Variants in KIAA0825 observed in about 807,000 individuals in gnomAD.
The protein encoded by KIAA0825 is uncharacterized protein KIAA0825.
Under a neutral mutation model 147.6 loss-of-function variants are expected in KIAA0825, and 119 were observed. The observed-to-expected ratio is 0.81, with a 90% CI of 0.69 to 0.94. The LOEUF is 0.94. KIAA0825 is among the 40% of genes least tolerant of loss of function. The pLI is 0.00. For missense variants in KIAA0825, 1,381 were observed against 1,472.7 expected (o/e 0.94, Z 1.02); for synonymous variants, 470 against 518.1 (o/e 0.91, Z 1.26).
intron 20 of KIAA0825, among the ~76,000 whole-genome samples, chr5:94,329,332 T>A (rs1285523966): frequency 6.6e-6 from 1 of 151,976 alleles, no homozygotes; most frequent in East Asian, 1.9e-4. Context: ...TCCAAAGACA[T>A]AATTTAAGAA....
At chr5:94,250,309 GA>G (rs1482290420) in intron 20 of KIAA0825, among the ~76,000 whole-genome samples, 1 of 152,076 alleles carries the variant, frequency 6.6e-6, no homozygotes, top group Admixed American at 6.6e-5. Flanking sequence ...AATGTTGATT[GA>G]AAATAACTTG....
intron 20 of KIAA0825, among the ~76,000 whole-genome samples, chr5:94,154,598 AT>A (rs1366931167): frequency 1.1e-4 from 16 of 152,158 alleles, no homozygotes; most frequent in African/African-American, 3.9e-4. Flanking sequence ...AGGTCAGTGT[AT>A]TTCTTGAAAT....
intron 20 of KIAA0825, among the ~76,000 whole-genome samples, chr5:94,347,164 G>A (rs1783094927): frequency 6.6e-6 from 1 of 152,140 alleles, no homozygotes; most frequent in Admixed American, 6.5e-5. Context: ...ACCCACCTAA[G>A]AAGAGTCTCA....
At chr5:94,460,205 GAAAT>G (rs1759639730) in intron 12 of KIAA0825, among the ~76,000 whole-genome samples, 2 of 152,096 alleles carry the variant, frequency 1.3e-5, no homozygotes, top group Admixed American at 1.3e-4. Context: ...CTTTATGAAA[GAAAT>G]ATAAGTGATA....
chr5:94,401,501 C>G (rs1001205782), intron 16 of KIAA0825, among the ~76,000 whole-genome samples: 2 of 152,048 alleles, frequency 1.3e-5, no homozygotes, highest in Non-Finnish European at 2.9e-5. Flanking sequence ...TAATTCATTA[C>G]TGTGTGCTGA....
intron 2 of KIAA0825, among the ~76,000 whole-genome samples, chr5:94,562,405 T>G (rs949387126): frequency 6.6e-6 from 1 of 152,240 alleles, no homozygotes; most frequent in Non-Finnish European, 1.5e-5. Context: ...CAACAGTGAA[T>G]CTATCATATC....
chr5:94,536,482 GA>G (rs765052858), intron 3 of KIAA0825, among the ~76,000 whole-genome samples: 3 of 152,162 alleles, frequency 2.0e-5, no homozygotes, highest in Non-Finnish European at 4.4e-5. Context: ...GTATTAATGA[GA>G]AACCATTGAG....
At chr5:94,565,291 A>G (rs1408830897) in intron 2 of KIAA0825, among the ~76,000 whole-genome samples, 6 of 147,446 alleles carry the variant, frequency 4.1e-5, no homozygotes, top group South Asian at 2.1e-4. Context: ...TGCCAGAATG[A>G]TCTTTCTAAA....
At chr5:94,567,572 G>A (rs1196577567) in intron 2 of KIAA0825, 1 of 152,306 alleles carries the variant, frequency 6.6e-6, no homozygotes, top group Non-Finnish European at 1.5e-5. Flanking sequence ...AGAGGGCGTA[G>A]GAATCATGTC....
intron 14 of KIAA0825, among the ~76,000 whole-genome samples, chr5:94,419,078 G>A (rs1299607311): frequency 6.6e-6 from 1 of 151,970 alleles, no homozygotes; most frequent in African/African-American, 2.4e-5. Context: ...GTCTTGCTCT[G>A]TTGCTCAGTC....
At chr5:94,557,583 G>A (rs568486791) in intron 2 of KIAA0825, among the ~76,000 whole-genome samples, 5 of 152,192 alleles carry the variant, frequency 3.3e-5, no homozygotes, top group South Asian at 2.1e-4. Flanking sequence ...CTGGGAAGGC[G>A]ACCACATCCA....
chr5:94,579,521 G>A (rs1781688218), intron 2 of KIAA0825, among the ~76,000 whole-genome samples: 1 of 152,156 alleles, frequency 6.6e-6, no homozygotes, highest in African/African-American at 2.4e-5. Context: ...TTCTTTTCCA[G>A]GCAGTCACAA....
Position 94,152,740 on chromosome 5 carries a change from A to T in KIAA0825, c.*1267T>A, listed in dbSNP as rs1159342983. 7.2e-6 allele frequency among the ~76,000 whole-genome samples: 1 copy of T among 139,098 alleles called. No homozygotes were observed. Among genetic ancestry groups the T allele is most frequent in the Non-Finnish European group, 1.5e-5 (1 of 65,072 alleles). 91.3% of individuals were successfully genotyped at this position (139,098 alleles called of 152,430 possible). ...TGAGGTGGGAGTATTGCTTGAGCCT[A>T]TGAGTTTGAGGTTACATTGAACTAT... On this transcript the variant is annotated 3_prime_UTR_variant, in exon 21 of 21. Transcript: ENST00000682413.
chr5:94,600,161 T>C (rs1422798462), intron 1 of KIAA0825, among the ~76,000 whole-genome samples: 4 of 152,166 alleles, frequency 2.6e-5, no homozygotes, highest in Admixed American at 6.5e-5. Context: ...ATCTGTAGAT[T>C]AATTTGGGGA....
chr5:94,320,716 G>A (rs1331180217), intron 20 of KIAA0825, among the ~76,000 whole-genome samples: 1 of 152,006 alleles, frequency 6.6e-6, no homozygotes, highest in African/African-American at 2.4e-5. Flanking sequence ...GTGTATGTAT[G>A]TTAATTGCTC....
In KIAA0825 at chr5:94,520,840, G is replaced by C; in HGVS notation, c.378C>G (p.Ser126Arg). The C allele has an allele frequency of 6.2e-7, 1 of 1,612,868 alleles. No homozygotes were observed. The highest frequency in any genetic ancestry group is 8.5e-7 in the Non-Finnish European group (1 of 1,179,264). Reference sequence around the variant, plus strand: ...CACTTAGGGTTGATGGGAATGAAACGCTGCTGTGGCAGGAGAGGTCCCAAA... The same window carrying C: ...CACTTAGGGTTGATGGGAATGAAACCCTGCTGTGGCAGGAGAGGTCCCAAA... ...DLLWDLSCHSSVSFPSTLSGT... is the reference protein window; with the variant it reads ...DLLWDLSCHSRVSFPSTLSGT... Residue 126 changes from serine (S) to arginine (R), a missense_variant, in exon 5 of 21, where the codon AGC becomes AGG. Coordinates refer to ENST00000682413, the MANE Select transcript of KIAA0825 (RefSeq NM_001145678.3).
intron 2 of KIAA0825, among the ~76,000 whole-genome samples, chr5:94,554,715 ACTATATATATATATAT>A (rs1302414682): frequency 2.7e-5 from 2 of 75,352 alleles, no homozygotes; most frequent in Non-Finnish European, 5.0e-5. Flanking sequence ...TGTTCTGTGT[ACTATATATATATATAT>A]ATATATATAT....
chr5:94,160,155 G>A (rs1264827091), intron 20 of KIAA0825, among the ~76,000 whole-genome samples: 1 of 152,070 alleles, frequency 6.6e-6, no homozygotes, highest in Non-Finnish European at 1.5e-5. Context: ...GTACATGTGA[G>A]CTTTTCTCAG....
chr5:94,319,618 A>G (rs1028476423), intron 20 of KIAA0825, among the ~76,000 whole-genome samples: 1 of 151,846 alleles, frequency 6.6e-6, no homozygotes, highest in Non-Finnish European at 1.5e-5. Context: ...TGTTTCTTTC[A>G]TATCTCACAA....
Sources: gnomAD v4.1 joint callset for allele counts (sites outside exome capture counted in the v4.1 genomes callset) on GRCh38, gnomAD v4.1.1 for gene constraint, MANE v1.5 for transcripts, NCBI Gene and HGNC (gene_info 2026-07-23, HGNC 2026-07-21) for gene names.